Variants in SNAPC3 observed in about 807,000 individuals in gnomAD.
SNAPC3 encodes small nuclear RNA activating complex polypeptide 3.
SNAPC3 carries 56 observed loss-of-function variants against 47.7 expected under a neutral mutation model. The observed-to-expected ratio is 1.18, with a 90% confidence interval of 0.95 to 1.47. The LOEUF (loss-of-function observed/expected upper bound fraction) is 1.47, where lower values mean the gene tolerates loss of function less well. Among genes scored for constraint, SNAPC3 ranks in the 40% most tolerant of loss-of-function variants. The pLI is 0.00. For missense variants in SNAPC3, 665 were observed against 511.3 expected (o/e 1.30, Z -2.90); for synonymous variants, 235 against 189.9 (o/e 1.24, Z -1.95).
chr9:15,449,119 T>C (rs577184372), intron 5 of SNAPC3, among the ~76,000 whole-genome samples: 25 of 152,298 alleles, frequency 1.6e-4, no homozygotes, highest in African/African-American at 6.0e-4. Context: ...CCAAGATTTT[T>C]CTTTAAAGCA....
downstream of SNAPC3, chr9:15,465,089 CACAA>C (rs756716509): frequency 3.1e-5 from 7 of 228,590 alleles, no homozygotes; most frequent in Non-Finnish European, 4.3e-5. Context: ...CTACAAAACC[CACAA>C]ACAGTGAAAA....
At position 15,422,888 on chromosome 9, in the gene SNAPC3, A is replaced by C. The variant is rs1431780305; in HGVS notation, c.9A>C (p.Glu3Asp). The change falls in exon 1 of 9, where the codon GAA becomes GAC. Residue 3 changes from glutamate to aspartate, a missense_variant. By Grantham distance (45) the Glu-to-Asp change is conservative. Transcript: ENST00000380821. ...GAAGGAGTGGGGCGAACATGGCTGA[A>C]GGAAGCCGAGGTGGCCCTACGTGTA... MA[E>D]GSRGGPTCSG... The C allele has an allele frequency of 6.5e-7, 1 of 1,535,396 alleles. No homozygotes were observed. Among genetic ancestry groups the C allele is most frequent in the South Asian group, 1.2e-5 (1 of 82,894 alleles).
chr9:15,443,373 T>G (rs1170395106), intron 3 of SNAPC3, among the ~76,000 whole-genome samples: 1 of 152,194 alleles, frequency 6.6e-6, no homozygotes, highest in East Asian at 1.9e-4. Flanking sequence ...TGTCCATACT[T>G]TCCTCTTTTT....
chr9:15,451,189 T>A, intron 5 of SNAPC3, 131 bp from the exon 6 acceptor site: 1 of 352,032 alleles, frequency 2.8e-6, no homozygotes, highest in Non-Finnish European at 4.8e-6. Flanking sequence ...TAGGGTAAAA[T>A]TGAAAATAGT....
chr9:15,424,953 A>G (rs1187807078), intron 2 of SNAPC3, among the ~76,000 whole-genome samples: 1 of 152,184 alleles, frequency 6.6e-6, no homozygotes, highest in Non-Finnish European at 1.5e-5. Flanking sequence ...CAAGGTTCTT[A>G]AGTGTCTTTG....
rs1433612674 is a variant in SNAPC3, at chr9:15,423,982, T to G, written c.388T>G (p.Leu130Val). 9 of 1,561,208 alleles carry G rather than the reference T, an allele frequency of 5.8e-6. No homozygotes were observed. Among genetic ancestry groups the G allele is most frequent in the Non-Finnish European group, 7.8e-6 (9 of 1,152,064 alleles). ...TCCGGAGAATACTGACCTGGTGACT[T>G]TGGGGTATGGAGGACTTGGTTTTTA... is the stretch of plus-strand genomic sequence containing the variant. ...VIPENTDLVT[L>V]GVRKRFLEHR... is the part of the protein sequence containing the mutation. The change falls in exon 2 of 9, where the codon TTG (leucine) becomes GTG (valine). Residue 130 changes from leucine (L) to valine (V), a missense_variant. Physicochemically the swap from Leu to Val is conservative, Grantham distance 32. Transcript: ENST00000380821.
At chr9:15,432,999 A>AACAAGCTAAACATCATTAATAT (rs2032355292) in intron 2 of SNAPC3, among the ~76,000 whole-genome samples, 1 of 152,222 alleles carries the variant, frequency 6.6e-6, no homozygotes, top group South Asian at 2.1e-4. Context: ...ATCACTAGTA[A>AACAAGCTAAACATCATTAATAT]GATGTCATAT....
In SNAPC3 at chr9:15,443,333, G is replaced by C. The variant is rs139925291; in HGVS notation, c.478-1269G>C. Among the ~76,000 whole-genome samples the C allele has an allele frequency of 1.2e-3, 177 of 152,244 alleles. 2 individuals are homozygous for C. The highest frequency in any genetic ancestry group is 3.9e-3 in the African/African-American group (164 of 41,550). On this transcript the variant is annotated intron_variant, in intron 3 of 8. Transcript: ENST00000380821. ...CAATGTCTGGGCTTCCTCAGGGTTG[G>C]TTTTGTCAAATTCTTATTTTCCTAA...
chr9:15,454,672 T>C (rs1563853821), intron 7 of SNAPC3, among the ~76,000 whole-genome samples: 1 of 152,198 alleles, frequency 6.6e-6, no homozygotes, highest in Non-Finnish European at 1.5e-5. Context: ...GCCCGGTGGC[T>C]CACGCCTGTA....
rs182701300 is a variant in SNAPC3, at chr9:15,456,566, G to C, written c.981-1394G>C. Among the ~76,000 whole-genome samples, 6 of 152,054 alleles carry C rather than the reference G, an allele frequency of 3.9e-5. No homozygotes were observed. In the East Asian group the frequency reaches 9.7e-4, roughly 25 times the overall value. ...CAATGCAGCCTCAACCTCCTGGGCT[G>C]AAGTAGTCGTCTTCCCTCAGTCTTT... On this transcript the variant is annotated intron_variant, in intron 7 of 8. Transcript: ENST00000380821.
chr9:15,433,547 A>C lies in SNAPC3; in HGVS notation c.393-5A>C, dbSNP rs1292152116. ...ATTTTTTTTTTTCTTTTACATCTAC[A>C]ACAGGGTTAGAAAAAGGTTCTTGGA... On this transcript the variant is annotated splice_polypyrimidine_tract_variant and splice_region_variant and intron_variant, in intron 2 of 8. Coordinates refer to ENST00000380821, the MANE Select transcript of SNAPC3 (RefSeq NM_001039697.2). 7.0e-6 allele frequency: 11 copies of C among 1,571,352 alleles called. No homozygotes were observed. The highest frequency in any genetic ancestry group is 9.6e-6 in the Non-Finnish European group (11 of 1,149,886).
At chr9:15,455,812 C>T (rs755811568) in intron 7 of SNAPC3, among the ~76,000 whole-genome samples, 4 of 152,036 alleles carry the variant, frequency 2.6e-5, no homozygotes, top group African/African-American at 4.8e-5. Context: ...AATTCTCATG[C>T]CTTAGCCTCC....
chr9:15,452,597 T>A (rs940884699), intron 6 of SNAPC3, among the ~76,000 whole-genome samples: 2 of 152,170 alleles, frequency 1.3e-5, no homozygotes, highest in African/African-American at 4.8e-5. Context: ...GGATTACAGG[T>A]GTGAGCCACC....
At chr9:15,431,344 TA>T (rs1350150944) in intron 2 of SNAPC3, among the ~76,000 whole-genome samples, 1 of 152,188 alleles carries the variant, frequency 6.6e-6, no homozygotes, top group Non-Finnish European at 1.5e-5. Flanking sequence ...TTCTCAGCCC[TA>T]GGGGTAGGGT....
chr9:15,442,081 C>A (rs1289717658), intron 3 of SNAPC3, among the ~76,000 whole-genome samples: 1 of 151,712 alleles, frequency 6.6e-6, no homozygotes, highest in African/African-American at 2.4e-5. Flanking sequence ...CAACCTCCCT[C>A]CCGGACGGGG....
At chr9:15,442,093 G>A (rs551003828) in intron 3 of SNAPC3, among the ~76,000 whole-genome samples, 8 of 150,984 alleles carry the variant, frequency 5.3e-5, no homozygotes, top group Admixed American at 1.3e-4. Flanking sequence ...CGGACGGGGC[G>A]GCTGGCCAGG....
chr9:15,464,321 AT>A, downstream of SNAPC3: 8 of 193,388 alleles, frequency 4.1e-5, no homozygotes, highest in East Asian at 2.5e-4. Flanking sequence ...GTCTTAAGCC[AT>A]TTTTTTCCAT....
chr9:15,457,083 G>A (rs2034852985), intron 7 of SNAPC3, among the ~76,000 whole-genome samples: 1 of 152,126 alleles, frequency 6.6e-6, no homozygotes. Flanking sequence ...AGTAGAGATT[G>A]ACTTCCATTT....
At chr9:15,427,607 A>G (rs2031584748) in intron 2 of SNAPC3, among the ~76,000 whole-genome samples, 1 of 152,168 alleles carries the variant, frequency 6.6e-6, no homozygotes, top group Admixed American at 6.5e-5. Flanking sequence ...GCCTTGCCCC[A>G]AAGGGCTGGT....
Sources: allele counts gnomAD v4.1 joint callset (sites outside exome capture counted in the v4.1 genomes callset), GRCh38; gene constraint gnomAD v4.1.1; transcripts MANE v1.5; gene names NCBI Gene and HGNC (gene_info 2026-07-23, HGNC 2026-07-21).